The following URGCP variants were observed in gnomAD, a reference collection of about 807,000 sequenced individuals.
URGCP encodes the protein up-regulator of cell proliferation.
Under a neutral mutation model 24.6 loss-of-function variants are expected in URGCP, and 13 were observed. The observed-to-expected ratio is 0.53, with a 90% CI of 0.34 to 0.84. URGCP has a LOEUF of 0.84. URGCP is among the 40% of genes least tolerant of loss of function. The probability of loss-of-function intolerance (pLI) is 0.01; values close to 1 mark genes in which losing one functional copy is unlikely to be tolerated. For missense variants in URGCP, 899 were observed against 1,194.3 expected, an observed-to-expected ratio of 0.75 and a Z score of 3.64; for synonymous variants, 444 against 487.2, an observed-to-expected ratio of 0.91 and a Z score of 1.17.
At chr7:43,920,046 C>A (rs1323468167) in intron 1 of URGCP, 3 of 1,310,596 alleles carry the variant, frequency 2.3e-6, no homozygotes, top group Non-Finnish European at 3.3e-6. Flanking sequence ...TCCTGGGGCA[C>A]CCAGGAGCAG....
At position 43,876,508 on chromosome 7, in the gene URGCP, A is replaced by G. The variant is rs2095844529; in HGVS notation, c.*159T>C. On this transcript the variant is annotated 3_prime_UTR_variant, in exon 6 of 6. Coordinates refer to ENST00000453200, the MANE Select transcript of URGCP (RefSeq NM_001077663.3). ...CTGTGAGGTCACTTCCTCTTTTAAC[A>G]CTGTTGAGGAGACTCCAAACCCTGT... 5 of 736,066 alleles carry G rather than the reference A, an allele frequency of 6.8e-6. No homozygotes were observed. Among genetic ancestry groups the G allele is most frequent in the Non-Finnish European group, 4.4e-6 (2 of 457,210 alleles). The allele number at this position is 736,066 out of a possible 1,614,324, so 45.6% of individuals were successfully genotyped here.
chr7:43,878,097 G>A lies in URGCP; in HGVS notation c.1366C>T (p.Arg456Cys), dbSNP rs376424255. The A allele has an allele frequency of 1.7e-5, 27 of 1,614,076 alleles. No homozygotes were observed. The highest frequency in any genetic ancestry group is 6.7e-5 in the East Asian group (3 of 44,896). The change falls in exon 6 of 6, where the codon CGC becomes TGC. Residue 456 changes from arginine to cysteine, a missense_variant. Coordinates refer to ENST00000453200, the MANE Select transcript of URGCP (RefSeq NM_001077663.3). This position sits in a 1 kb window ranked among gnomAD's most constrained non-coding sequence, Gnocchi z 5.6. The stretch of plus-strand genomic sequence containing the variant: ...TCGTCGACCTTTAGGCCCAGTTTGC[G>A]GGCTGCGTGCGCCATGTCCTCCACA... ...VSVEDMAHAA[R>C]KLGLKVDEDC...
intron 3 of URGCP, among the ~76,000 whole-genome samples, chr7:43,887,186 G>C (rs949597486): frequency 6.6e-6 from 1 of 152,054 alleles, no homozygotes; most frequent in African/African-American, 2.4e-5. Flanking sequence ...AGAATAAAGT[G>C]TTGCCCATAA....
chr7:43,886,573 T>C (rs2132666367), intron 3 of URGCP, among the ~76,000 whole-genome samples: 1 of 152,042 alleles, frequency 6.6e-6, no homozygotes, highest in Middle Eastern at 3.4e-3. Flanking sequence ...GCCAACATGG[T>C]GAAACTCATC....
At chr7:43,880,199 A>G (rs1435916640) in intron 5 of URGCP, among the ~76,000 whole-genome samples, 1 of 152,186 alleles carries the variant, frequency 6.6e-6, no homozygotes, top group Non-Finnish European at 1.5e-5. Flanking sequence ...CTGGGATTAC[A>G]GGTGTGAGCC....
rs1397754090 is a variant in URGCP, at chr7:43,881,044, A to G, written c.202+615T>C. The G allele has an allele frequency of 1.3e-5, 8 of 617,944 alleles. No individual in the cohort carries two copies. In the Admixed American group the frequency reaches 2.2e-4, roughly 17 times the overall value. The allele number at this position is 617,944 out of a possible 1,614,324, so 38.3% of individuals were successfully genotyped here. A position where few individuals can be genotyped will look rare whatever the true frequency, so the allele number is the denominator to read the frequency against. On this transcript the variant is annotated intron_variant, in intron 5 of 5. Coordinates refer to ENST00000453200, the MANE Select transcript of URGCP (RefSeq NM_001077663.3). Reference sequence around the variant, plus strand: ...GACCTATGAACTTGTTACAAAAACAAAAGTACTATATGGGAAGAGTCACAT... The same window carrying G: ...GACCTATGAACTTGTTACAAAAACAGAAGTACTATATGGGAAGAGTCACAT...
chr7:43,911,141 C>T (rs1026133232), upstream of URGCP, among the ~76,000 whole-genome samples: 2 of 152,208 alleles, frequency 1.3e-5, no homozygotes, highest in Admixed American at 6.5e-5. Flanking sequence ...TAGCTCACAC[C>T]TGTAATCCCA....
chr7:43,904,464 T>C (rs1188144242), intron 1 of URGCP, among the ~76,000 whole-genome samples: 1 of 152,172 alleles, frequency 6.6e-6, no homozygotes, highest in East Asian at 1.9e-4. Context: ...TCCCTGCCCT[T>C]TATCTGTGGA....
intron 1 of URGCP, among the ~76,000 whole-genome samples, chr7:43,924,907 C>T (rs2095927020): frequency 6.6e-6 from 1 of 152,050 alleles, no homozygotes; most frequent in South Asian, 2.1e-4. Context: ...TACAGGTGCA[C>T]ACCACCATGC....
At chr7:43,897,526 G>C (rs1342168139) in intron 1 of URGCP, among the ~76,000 whole-genome samples, 1 of 152,068 alleles carries the variant, frequency 6.6e-6, no homozygotes, top group Non-Finnish European at 1.5e-5. Context: ...GGAGAAGCTA[G>C]AGACGACTGA....
chr7:43,900,469 C>CAAAAA (rs759728715), intron 1 of URGCP, among the ~76,000 whole-genome samples: 50 of 114,316 alleles, frequency 4.4e-4, no homozygotes, highest in Middle Eastern at 8.8e-3. Context: ...AAAACCAAAA[C>CAAAAA]AAAAAAAAAA....
intron 1 of URGCP, among the ~76,000 whole-genome samples, chr7:43,896,535 T>C (rs2095878781): frequency 6.6e-6 from 1 of 151,396 alleles, no homozygotes; most frequent in Admixed American, 6.6e-5. Context: ...GTAGGGTGAA[T>C]ATGGTTAACT....
chr7:43,877,103 A>G lies in URGCP; in HGVS notation c.2360T>C (p.Ile787Thr). 6.2e-7 allele frequency: 1 copy of G among 1,614,234 alleles called. No individual in the cohort carries two copies. The highest frequency in any genetic ancestry group is 8.5e-7 in the Non-Finnish European group (1 of 1,180,036). The change falls in exon 6 of 6, where the codon ATC (isoleucine) becomes ACC (threonine). Residue 787 changes from isoleucine (I) to threonine (T), a missense_variant. By Grantham distance (89) the Ile-to-Thr change is moderately conservative (BLOSUM62 -1). Transcript: ENST00000453200. ...AATGTCCTTGGTTTCAGCTAGACTG[A>G]TCACGGTGACATTGCTCAGTCCCAT... Reference protein sequence around the residue: ...LLMGLSNVTVISLAETKDIPA... With the variant: ...LLMGLSNVTVTSLAETKDIPA...
At chr7:43,922,519 G>A (rs1204935348) in intron 1 of URGCP, among the ~76,000 whole-genome samples, 1 of 152,046 alleles carries the variant, frequency 6.6e-6, no homozygotes, top group Non-Finnish European at 1.5e-5. Flanking sequence ...GGTGTGAAGT[G>A]GTATCTCATT....
chr7:43,920,866 A>G (rs1046217785), intron 1 of URGCP, among the ~76,000 whole-genome samples: 1 of 152,060 alleles, frequency 6.6e-6, no homozygotes, highest in African/African-American at 2.4e-5. Context: ...AGCTATCCCC[A>G]TGTATTGGGC....
intron 3 of URGCP, among the ~76,000 whole-genome samples, chr7:43,885,749 A>G (rs548883859): frequency 4.2e-4 from 64 of 152,330 alleles, no homozygotes; most frequent in African/African-American, 1.4e-3. Context: ...ATTTGTCTAG[A>G]ACAACACTCC....
At chr7:43,881,805 AAC>A in intron 4 of URGCP, 100 bp downstream of exon 4, 1 of 1,605,390 alleles carries the variant, frequency 6.2e-7, no homozygotes. Flanking sequence ...CCAAGATGGC[AAC>A]TTCTCCCAAT....
At chr7:43,901,525 G>C (rs1378202227) in intron 1 of URGCP, among the ~76,000 whole-genome samples, 1 of 152,248 alleles carries the variant, frequency 6.6e-6, no homozygotes, top group East Asian at 1.9e-4. Flanking sequence ...TCTCAGTCCT[G>C]CTGGCAAAGC....
intron 5 of URGCP, 78 bp from the exon 6 acceptor site, chr7:43,879,338 G>T: frequency 6.7e-7 from 1 of 1,492,616 alleles, no homozygotes; most frequent in Non-Finnish European, 8.9e-7. Context: ...GTGAAGGAGA[G>T]CCCAGCAGGA....
Sources: allele counts gnomAD v4.1 joint callset (sites outside exome capture counted in the v4.1 genomes callset), GRCh38; gene constraint gnomAD v4.1.1; non-coding constraint Gnocchi (gnomAD v3.1); transcripts MANE v1.5; gene names NCBI Gene and HGNC (gene_info 2026-07-23, HGNC 2026-07-21).